Variants in RUNX2 observed in about 807,000 individuals in gnomAD.
RUNX2 encodes the protein runt-related transcription factor 2.
Under a neutral mutation model 51.7 loss-of-function variants are expected in RUNX2, and 10 were observed. The observed-to-expected ratio is 0.19, with a 90% CI of 0.12 to 0.33. RUNX2 has a LOEUF of 0.33. Among genes scored for constraint, RUNX2 ranks in the 10% least tolerant of loss-of-function variants. The pLI, the probability that RUNX2 is intolerant of heterozygous loss-of-function variation, is 1.00. For synonymous variants in RUNX2, 276 were observed against 273.6 expected (o/e 1.01, Z -0.09); for missense variants, 562 against 691.3 (o/e 0.81, Z 2.10).
At chr6:45,425,294 T>G (rs1798354036) in intron 3 of RUNX2, among the ~76,000 whole-genome samples, 1 of 152,214 alleles carries the variant, frequency 6.6e-6, no homozygotes, top group Non-Finnish European at 1.5e-5. Context: ...AAAGGTTGTT[T>G]TTTGCACTTT....
chr6:45,364,129 T>G (rs931047247), intron 2 of RUNX2, among the ~76,000 whole-genome samples: 5 of 151,152 alleles, frequency 3.3e-5, no homozygotes, highest in Admixed American at 6.6e-5. Context: ...AAAAAAAAAT[T>G]TAATAATAAA....
At chr6:45,399,894 C>G (rs1238957200) in intron 2 of RUNX2, among the ~76,000 whole-genome samples, 2 of 142,390 alleles carry the variant, frequency 1.4e-5, no homozygotes, top group Non-Finnish European at 3.0e-5. Context: ...TTTTAAAATG[C>G]CTCCAGCCAT....
At chr6:45,537,331 C>T (rs1478155094) in intron 7 of RUNX2, among the ~76,000 whole-genome samples, 1 of 152,150 alleles carries the variant, frequency 6.6e-6, no homozygotes, top group African/African-American at 2.4e-5. Flanking sequence ...CTGCTAGATT[C>T]ACATGAAAAT....
At chr6:45,435,060 C>T (rs1186777206) in intron 4 of RUNX2, among the ~76,000 whole-genome samples, 1 of 152,170 alleles carries the variant, frequency 6.6e-6, no homozygotes, top group African/African-American at 2.4e-5. Flanking sequence ...TTGTTAATTA[C>T]ATCTTGATCC....
At position 45,427,404 on chromosome 6, in the gene RUNX2, T is replaced by C. The variant is rs368576060; in HGVS notation, c.423+4447T>C. Among the ~76,000 whole-genome samples the C allele has an allele frequency of 3.3e-5, 5 of 152,230 alleles. No homozygotes were observed. The East Asian group carries it at 7.7e-4, about 23-fold the overall frequency. On this transcript the variant is annotated intron_variant, in intron 3 of 8. Coordinates refer to ENST00000647337, the MANE Select transcript of RUNX2 (RefSeq NM_001024630.4). Reference sequence around the variant, plus strand: ...AAATTTATCTTTGACATATATATTTTTAAAATTATGAAATGACATATTGTG... The same window carrying C: ...AAATTTATCTTTGACATATATATTTCTAAAATTATGAAATGACATATTGTG...
chr6:45,429,182 T>C (rs1798468473), intron 3 of RUNX2, among the ~76,000 whole-genome samples: 1 of 152,228 alleles, frequency 6.6e-6, no homozygotes. Context: ...ATAGCAGATA[T>C]GTAGCAGAAG....
chr6:45,440,863 T>C (rs1798824107), intron 5 of RUNX2, among the ~76,000 whole-genome samples: 1 of 152,172 alleles, frequency 6.6e-6, no homozygotes, highest in African/African-American at 2.4e-5. Flanking sequence ...TGGCATCATA[T>C]TGGTGCTCAA....
intron 5 of RUNX2, among the ~76,000 whole-genome samples, chr6:45,448,060 T>C (rs1248843687): frequency 6.6e-6 from 1 of 152,160 alleles, no homozygotes; most frequent in African/African-American, 2.4e-5. Flanking sequence ...ATAATATTCA[T>C]GAAAGATGGT....
chr6:45,454,037 AG>A (rs1160266378), intron 5 of RUNX2, among the ~76,000 whole-genome samples: 1 of 152,166 alleles, frequency 6.6e-6, no homozygotes, highest in African/African-American at 2.4e-5. Flanking sequence ...GCCTGAATGA[AG>A]AGAAGGAGAG....
intron 5 of RUNX2, among the ~76,000 whole-genome samples, chr6:45,480,490 A>T (rs1307349321): frequency 6.6e-6 from 1 of 152,226 alleles, no homozygotes; most frequent in East Asian, 1.9e-4. Flanking sequence ...TCTGACAGAC[A>T]TAGCACGTAA....
At chr6:45,480,198 C>T (rs184416937) in intron 5 of RUNX2, among the ~76,000 whole-genome samples, 181 of 152,258 alleles carry the variant, frequency 1.2e-3, no homozygotes, top group Non-Finnish European at 2.0e-3. Context: ...GGTGGATAAA[C>T]GCTATTCCAT....
intron 5 of RUNX2, among the ~76,000 whole-genome samples, chr6:45,469,938 T>C (rs1437319195): frequency 6.6e-6 from 1 of 152,172 alleles, no homozygotes; most frequent in Non-Finnish European, 1.5e-5. Flanking sequence ...CTTAACTCCG[T>C]CACGAACCCT....
intron 7 of RUNX2, among the ~76,000 whole-genome samples, chr6:45,544,847 C>G (rs567317720): frequency 2.0e-5 from 3 of 152,276 alleles, no homozygotes; most frequent in South Asian, 4.1e-4. Flanking sequence ...GCATCTGCTC[C>G]CATTTCTGAT....
Position 45,357,478 on chromosome 6 carries a change from C to T in RUNX2, c.58+28694C>T, listed in dbSNP as rs757306900. Among the ~76,000 whole-genome samples, 47 of 152,080 alleles carry T rather than the reference C, an allele frequency of 3.1e-4. 1 individual carries two copies. The highest frequency in any genetic ancestry group is 7.9e-4 in the Admixed American group (12 of 15,262). On this transcript the variant is annotated intron_variant, in intron 2 of 8. Transcript: ENST00000647337. ...CCCAAGTAGCTGGGACTACAGGGCC[C>T]AGATAATTGCTTTTAATTTTATTTT...
At chr6:45,523,230 T>C (rs1176581687) in intron 7 of RUNX2, among the ~76,000 whole-genome samples, 1 of 152,146 alleles carries the variant, frequency 6.6e-6, no homozygotes, top group Admixed American at 6.5e-5. Context: ...TCACTGTTGA[T>C]AGAAAGGGGA....
At chr6:45,466,186 G>A (rs1023094607) in intron 5 of RUNX2, among the ~76,000 whole-genome samples, 4 of 151,698 alleles carry the variant, frequency 2.6e-5, no homozygotes, top group African/African-American at 7.3e-5. Context: ...TGTGGTGGGC[G>A]CCTGTAATCC....
chr6:45,474,132 G>A (rs756284181), intron 5 of RUNX2, among the ~76,000 whole-genome samples: 15 of 151,544 alleles, frequency 9.9e-5, no homozygotes, highest in Non-Finnish European at 2.2e-4. Context: ...AACCCTTAGT[G>A]CAGATTTAGT....
At chr6:45,395,040 C>G (rs1040445600) in intron 2 of RUNX2, among the ~76,000 whole-genome samples, 1 of 152,134 alleles carries the variant, frequency 6.6e-6, no homozygotes, top group African/African-American at 2.4e-5. Context: ...AGCTTAGTCT[C>G]CAGCGCTTAA....
In RUNX2 at chr6:45,430,434, A is replaced by G. The variant is rs75380683; in HGVS notation, c.424-1429A>G. 8.6e-3 allele frequency among the ~76,000 whole-genome samples: 1,311 copies of G among 152,276 alleles called. 20 individuals carry two copies. Among genetic ancestry groups the G allele is most frequent in the African/African-American group, 0.028 (1,181 of 41,556 alleles). ...AAGGAATGGAACTGAGAAACAGCCT[A>G]AGAGAAAAGTAAGGGTGACAAAAAT... On this transcript the variant is annotated intron_variant, in intron 3 of 8. Coordinates refer to ENST00000647337, the MANE Select transcript of RUNX2 (RefSeq NM_001024630.4).
Sources: gnomAD v4.1 joint callset for allele counts (sites outside exome capture counted in the v4.1 genomes callset) on GRCh38, gnomAD v4.1.1 for gene constraint, MANE v1.5 for transcripts, NCBI Gene and HGNC (gene_info 2026-07-23, HGNC 2026-07-21) for gene names.